NFIB: variants seen among roughly 807,000 people sequenced by gnomAD.
The protein encoded by NFIB is nuclear factor 1 B-type.
Under a neutral mutation model 61.5 loss-of-function variants are expected in NFIB, and 11 were observed. The ratio of observed to expected loss-of-function variants is 0.18; its 90% CI spans 0.11 to 0.30. The LOEUF is 0.30. Among genes scored for constraint, NFIB ranks in the 10% least tolerant of loss-of-function variants. The probability of loss-of-function intolerance (pLI) is 1.00; values close to 1 mark genes in which losing one functional copy is unlikely to be tolerated. For missense variants in NFIB, 471 were observed against 608.9 expected (o/e 0.77, Z 2.38); for synonymous variants, 260 against 216.5 (o/e 1.20, Z -1.76).
intron 3 of NFIB, among the ~76,000 whole-genome samples, chr9:14,175,780 A>G (rs941279421): frequency 1.3e-5 from 2 of 152,226 alleles, no homozygotes; most frequent in African/African-American, 2.4e-5. Context: ...AAAGGCCCCA[A>G]AAGTTTATAT....
chr9:14,197,582 G>A (rs959182701), intron 2 of NFIB, among the ~76,000 whole-genome samples: 3 of 152,216 alleles, frequency 2.0e-5, no homozygotes, highest in East Asian at 3.9e-4. Flanking sequence ...AGACTGTGGA[G>A]TTCAAGGGGA....
At chr9:14,153,536 C>A (rs950958957) in intron 4 of NFIB, among the ~76,000 whole-genome samples, 1 of 152,024 alleles carries the variant, frequency 6.6e-6, no homozygotes, top group African/African-American at 2.4e-5. Context: ...GGTTAGAGGC[C>A]AACCTTTAAT....
intron 2 of NFIB, among the ~76,000 whole-genome samples, chr9:14,287,531 T>G (rs2058796238): frequency 6.6e-6 from 1 of 151,890 alleles, no homozygotes; most frequent in Admixed American, 6.5e-5. Context: ...TCAAACGATC[T>G]TCTGCCTCAG....
chr9:14,310,366 A>G (rs2132727178), intron 1 of NFIB, among the ~76,000 whole-genome samples: 1 of 152,290 alleles, frequency 6.6e-6, no homozygotes, highest in African/African-American at 2.4e-5. Context: ...TTATTTGACA[A>G]GGGGACATAT....
intron 3 of NFIB, among the ~76,000 whole-genome samples, chr9:14,160,121 T>TA (rs969521018): frequency 3.3e-5 from 5 of 152,212 alleles, no homozygotes; most frequent in African/African-American, 7.2e-5. Context: ...GTGTGCTTTT[T>TA]AAAAAAAATA....
At chr9:14,363,296 G>A (rs2061261652) in intron 1 of NFIB, among the ~76,000 whole-genome samples, 1 of 152,152 alleles carries the variant, frequency 6.6e-6, no homozygotes, top group Non-Finnish European at 1.5e-5. Flanking sequence ...CTTAACTGTG[G>A]CAGTGGTTCA....
chr9:14,392,280 T>C (rs1411613243), intron 1 of NFIB, among the ~76,000 whole-genome samples: 1 of 152,208 alleles, frequency 6.6e-6, no homozygotes, highest in Non-Finnish European at 1.5e-5. Context: ...GGACTTCAGG[T>C]GATCATTGTC....
intron 2 of NFIB, among the ~76,000 whole-genome samples, chr9:14,181,324 GT>G (rs2046751059): frequency 1.3e-5 from 2 of 152,022 alleles, no homozygotes. Flanking sequence ...TCCTCCAATT[GT>G]TTCCTGATTT....
At chr9:14,346,643 G>A (rs907262790) in intron 1 of NFIB, among the ~76,000 whole-genome samples, 3 of 152,198 alleles carry the variant, frequency 2.0e-5, no homozygotes, top group Non-Finnish European at 4.4e-5. Flanking sequence ...GAAGCCCCGG[G>A]GTAGTAAATT....
intron 2 of NFIB, among the ~76,000 whole-genome samples, chr9:14,188,420 G>A (rs1017304981): frequency 6.6e-6 from 1 of 152,128 alleles, no homozygotes; most frequent in African/African-American, 2.4e-5. Flanking sequence ...TGTAGAGGAG[G>A]GAAGAGTTTT....
At chr9:14,374,188 G>T (rs73419639) in intron 1 of NFIB, among the ~76,000 whole-genome samples, 3 of 151,952 alleles carry the variant, frequency 2.0e-5, no homozygotes, top group African/African-American at 4.8e-5. Flanking sequence ...TTAAAAATAC[G>T]GTTCTTATTT....
chr9:14,317,090 A>C (rs998645671), upstream of NFIB: 1 of 152,030 alleles, frequency 6.6e-6, no homozygotes. Flanking sequence ...AGAGCCCAGA[A>C]CCAGCCGTTG....
chr9:14,112,284 A>G (rs1299925671), intron 10 of NFIB, among the ~76,000 whole-genome samples: 1 of 152,206 alleles, frequency 6.6e-6, no homozygotes, highest in East Asian at 1.9e-4. Context: ...GGATTTCTAC[A>G]TTGGTATGGT....
chr9:14,465,572 TACACACACAC>T, the NFIB span, among the ~76,000 whole-genome samples: 14 of 146,306 alleles, frequency 9.6e-5, no homozygotes, highest in African/African-American at 2.8e-4. Context: ...AATGACTTGT[TACACACACAC>T]ACACACACAC....
intron 2 of NFIB, among the ~76,000 whole-genome samples, chr9:14,197,107 T>A (rs973506411): frequency 1.3e-5 from 2 of 152,228 alleles, no homozygotes; most frequent in African/African-American, 4.8e-5. Flanking sequence ...TTCATCTACA[T>A]TACTTTGCAA....
rs768719404 is a variant in NFIB, at chr9:14,307,540, GAGGAAA to G, written c.31-26_31-21del. 6.4e-7 allele frequency: 1 copy of G among 1,560,896 alleles called. No individual in the cohort carries two copies. The highest frequency in any genetic ancestry group is 1.2e-5 in the South Asian group (1 of 83,586). On this transcript the variant is annotated intron_variant, in intron 1 of 10. Transcript: ENST00000380953. The surrounding 1 kb of genome is among the most constrained non-coding windows in gnomAD (Gnocchi z 5.3). ...TTCATCCTGTGGAAGACAGAGGGGT[GAGGAAA>G]AGATGTGCATAGTCAGTTTAATTTT...
intron 10 of NFIB, among the ~76,000 whole-genome samples, chr9:14,089,346 T>C (rs1456279491): frequency 1.4e-5 from 2 of 147,692 alleles, no homozygotes; most frequent in Admixed American, 6.8e-5. Context: ...CTTTCGCCTA[T>C]GCTGAATTAC....
the NFIB span, among the ~76,000 whole-genome samples, chr9:14,488,362 C>CAA: frequency 7.8e-6 from 1 of 128,350 alleles, no homozygotes; most frequent in Non-Finnish European, 1.7e-5. Flanking sequence ...GACCTTGTCT[C>CAA]AAAAAAAAAA....
At chr9:14,412,320 A>T in the NFIB span, among the ~76,000 whole-genome samples, 1 of 152,234 alleles carries the variant, frequency 6.6e-6, no homozygotes, top group South Asian at 2.1e-4. Context: ...AAAAGGGACC[A>T]AGTTGACTGT....
Sources: allele counts gnomAD v4.1 joint callset (sites outside exome capture counted in the v4.1 genomes callset), GRCh38; gene constraint gnomAD v4.1.1; non-coding constraint Gnocchi (gnomAD v3.1); transcripts MANE v1.5; gene names NCBI Gene and HGNC (gene_info 2026-07-23, HGNC 2026-07-21).